The following TRAP1 variants were observed in gnomAD, a reference collection of about 807,000 sequenced individuals.
The protein encoded by TRAP1 is heat shock protein 75 kDa, mitochondrial.
TRAP1 carries 102 observed loss-of-function variants against 89.1 expected under a neutral mutation model. The observed-to-expected ratio is 1.15, with a 90% CI of 0.98 to 1.35. The LOEUF is 1.35. Among genes scored for constraint, TRAP1 ranks in the 40% most tolerant of loss-of-function variants. TRAP1 has a pLI of 0.00. For missense variants in TRAP1, 1,256 were observed against 945.3 expected (o/e 1.33, Z -4.31); for synonymous variants, 508 against 388.0 (o/e 1.31, Z -3.64).
chr16:3,713,432 G>A (rs1019936750), intron 1 of TRAP1, among the ~76,000 whole-genome samples: 9 of 152,156 alleles, frequency 5.9e-5, no homozygotes, highest in South Asian at 2.1e-4. Flanking sequence ...CAGCTCTCCC[G>A]ACCTTCCTGG....
At chr16:3,695,329 T>C (rs960579578) in intron 1 of TRAP1, among the ~76,000 whole-genome samples, 1 of 151,940 alleles carries the variant, frequency 6.6e-6, no homozygotes, top group African/African-American at 2.4e-5. Context: ...ATACATCTTT[T>C]CGTATGTCTC....
At chr16:3,672,026 C>G (rs2050921067) in intron 10 of TRAP1, among the ~76,000 whole-genome samples, 1 of 152,214 alleles carries the variant, frequency 6.6e-6, no homozygotes, top group South Asian at 2.1e-4. Context: ...AAAATGACAG[C>G]CTGGGCTTTA....
intron 11 of TRAP1, among the ~76,000 whole-genome samples, chr16:3,667,338 A>G (rs1316444877): frequency 6.6e-6 from 1 of 152,050 alleles, no homozygotes; most frequent in African/African-American, 2.4e-5. Context: ...TGCTAAGAAT[A>G]ATCAACGGGG....
At chr16:3,670,586 C>G (rs1018369532) in intron 11 of TRAP1, among the ~76,000 whole-genome samples, 4 of 151,892 alleles carry the variant, frequency 2.6e-5, no homozygotes, top group African/African-American at 9.7e-5. Flanking sequence ...CACTTGTAGT[C>G]CCAGCTACTT....
At chr16:3,661,848 C>T (rs1482759963) in intron 16 of TRAP1, 139 bp downstream of exon 16, 1 of 1,165,040 alleles carries the variant, frequency 8.6e-7, no homozygotes, top group East Asian at 2.9e-5. Flanking sequence ...GCCTAAACTG[C>T]ATACAGCTCC....
intron 8 of TRAP1, chr16:3,674,710 GACA>G (rs1383298664): frequency 1.5e-5 from 9 of 600,126 alleles, no homozygotes; most frequent in East Asian, 2.9e-5. Context: ...AGCTCCTCAG[GACA>G]ACATGTCAGG....
chr16:3,672,139 C>G (rs1407036889), intron 10 of TRAP1, among the ~76,000 whole-genome samples: 1 of 152,156 alleles, frequency 6.6e-6, no homozygotes, highest in East Asian at 1.9e-4. Flanking sequence ...AGTTCGAGAC[C>G]AGCCCGGCAA....
At chr16:3,679,571 T>C (rs1232086941) in intron 5 of TRAP1, 148 bp downstream of exon 5, 8 of 779,432 alleles carry the variant, frequency 1.0e-5, no homozygotes, top group Non-Finnish European at 1.7e-5. Context: ...GGGATGGCTG[T>C]CATGTCATGA....
intron 2 of TRAP1, 57 bp from the exon 3 acceptor site, chr16:3,689,194 A>G (rs376651616): frequency 1.4e-6 from 2 of 1,443,428 alleles, no homozygotes; most frequent in African/African-American, 2.8e-5. Flanking sequence ...TTGTGCAAGA[A>G]TACGCTACGT....
intron 1 of TRAP1, among the ~76,000 whole-genome samples, chr16:3,716,203 G>A (rs1161529991): frequency 6.6e-6 from 1 of 152,156 alleles, no homozygotes; most frequent in Admixed American, 6.6e-5. Flanking sequence ...AAGATTCAGC[G>A]TTGAAGAAAA....
chr16:3,701,233 C>CAATT lies in TRAP1; in HGVS notation c.89-10252_89-10249dup, dbSNP rs748295862. 2.6e-5 allele frequency among the ~76,000 whole-genome samples: 4 copies of CAATT among 152,194 alleles called. No homozygotes were observed. In the South Asian group the frequency reaches 8.3e-4, roughly 32 times the overall value. ...GGATATTTCAGAATACTACAACAAACAATTCATCAGGAAAATGTAATCACA... is the reference window on the plus strand; with the variant it reads ...GGATATTTCAGAATACTACAACAAACAATTAATTCATCAGGAAAATGTAATCACA... On this transcript the variant is annotated intron_variant, in intron 1 of 17. Transcript: ENST00000246957.
chr16:3,677,742 G>C, intron 5 of TRAP1, 84 bp from the exon 6 acceptor site: 1 of 1,469,874 alleles, frequency 6.8e-7, no homozygotes, highest in Non-Finnish European at 9.1e-7. Flanking sequence ...TGCGAGCACC[G>C]CTAAGACCCC....
chr16:3,693,277 G>A (rs1190849168), intron 1 of TRAP1, among the ~76,000 whole-genome samples: 1 of 151,798 alleles, frequency 6.6e-6, no homozygotes, highest in East Asian at 1.9e-4. Flanking sequence ...TCTCTATGCA[G>A]ATACCTTAAA....
intron 16 of TRAP1, chr16:3,660,547 AGTTAAAGTGACCTG>A (rs1363135940): frequency 6.6e-6 from 1 of 152,186 alleles, no homozygotes; most frequent in African/African-American, 2.4e-5. Flanking sequence ...CACCAAAACT[AGTTAAAGTGACCTG>A]GTGTCCGCCT....
chr16:3,696,860 G>C (rs1046405606), intron 1 of TRAP1, among the ~76,000 whole-genome samples: 1 of 151,816 alleles, frequency 6.6e-6, no homozygotes, highest in Non-Finnish European at 1.5e-5. Context: ...CCGAGTAGCT[G>C]AGACTACAGG....
intron 1 of TRAP1, among the ~76,000 whole-genome samples, chr16:3,699,989 T>A (rs1004878365): frequency 3.3e-5 from 5 of 152,054 alleles, no homozygotes; most frequent in Non-Finnish European, 7.4e-5. Context: ...GCTGCTCATT[T>A]GAAACTGCTG....
rs2074803 is a variant in TRAP1 at position 3,690,705 on chromosome 16, C to G, written c.247+122G>C. ...GGCGCAGCACTCCCTACAGCCAAGA[C>G]CTTCTGATTTCACACCTAAGGCGGT... is the stretch of plus-strand genomic sequence containing the variant. On this transcript the variant is annotated intron_variant, in intron 2 of 17. Coordinates refer to ENST00000246957, the MANE Select transcript of TRAP1 (RefSeq NM_016292.3). 2.1e-3 allele frequency: 2,285 copies of G among 1,079,816 alleles called. 63 individuals carry two copies. In the East Asian group the frequency reaches 0.048, roughly 23 times the overall value. 66.9% of individuals were successfully genotyped at this position (1,079,816 alleles called of 1,614,324 possible).
intron 4 of TRAP1, among the ~76,000 whole-genome samples, chr16:3,684,539 C>G (rs1228803387): frequency 6.6e-6 from 1 of 152,062 alleles, no homozygotes; most frequent in Non-Finnish European, 1.5e-5. Flanking sequence ...TGCCTGTAAT[C>G]TAACACTTGG....
intron 1 of TRAP1, among the ~76,000 whole-genome samples, chr16:3,715,862 T>C (rs755369575): frequency 2.6e-5 from 4 of 151,882 alleles, no homozygotes; most frequent in Non-Finnish European, 4.4e-5. Flanking sequence ...GAGGGAAAAT[T>C]ATTATTATTT....
Sources: allele counts gnomAD v4.1 joint callset (sites outside exome capture counted in the v4.1 genomes callset), GRCh38; gene constraint gnomAD v4.1.1; transcripts MANE v1.5; gene names NCBI Gene and HGNC (gene_info 2026-07-23, HGNC 2026-07-21).